The following XKR4 variants were observed in gnomAD, a reference collection of about 807,000 sequenced individuals.
XKR4 encodes the protein XK-related protein 4.
XKR4 carries 12 observed loss-of-function variants against 53.9 expected under a neutral mutation model. The ratio of observed to expected loss-of-function variants is 0.22; its 90% CI spans 0.14 to 0.36. The LOEUF is 0.36. Ranked by LOEUF, XKR4 falls within the 10% of genes least tolerant of loss-of-function variation. The pLI is 1.00. For synonymous variants in XKR4, 354 were observed against 362.4 expected, an observed-to-expected ratio of 0.98 and a Z score of 0.26; for missense variants, 799 against 859.5, an observed-to-expected ratio of 0.93 and a Z score of 0.88.
intron 2 of XKR4, among the ~76,000 whole-genome samples, chr8:55,384,492 A>T (rs1804281276): frequency 6.6e-6 from 1 of 152,224 alleles, no homozygotes; most frequent in Non-Finnish European, 1.5e-5. Flanking sequence ...AACTGCTGAA[A>T]TATTTTTACC....
intron 2 of XKR4, among the ~76,000 whole-genome samples, chr8:55,419,316 C>A (rs1402279354): frequency 6.6e-6 from 1 of 152,102 alleles, no homozygotes; most frequent in African/African-American, 2.4e-5. Context: ...ACCCTGGAGG[C>A]AGAGATTGCA....
intron 2 of XKR4, among the ~76,000 whole-genome samples, chr8:55,427,994 TTTAA>T (rs1208242173): frequency 1.3e-5 from 2 of 152,206 alleles, no homozygotes; most frequent in Non-Finnish European, 2.9e-5. Context: ...GTAGTTAAAA[TTTAA>T]TTAAATTGTA....
In XKR4 at chr8:55,528,491, C is replaced by A. The variant is rs186590341; in HGVS notation, c.*4264C>A. On this transcript the variant is annotated 3_prime_UTR_variant, in exon 3 of 3. Transcript: ENST00000327381. ...GAGATTTTTTCTAATGAACCATTTT[C>A]TAGACTAAATATATGCTCCCTTGCA... 3.3e-3 allele frequency: 503 copies of A among 152,322 alleles called. 4 individuals are homozygous for A. The highest frequency in any genetic ancestry group is 0.011 in the African/African-American group (472 of 41,570). 9.4% of individuals were successfully genotyped at this position (152,322 alleles called of 1,614,324 possible). A position where few individuals can be genotyped will look rare whatever the true frequency, so the allele number is the denominator to read the frequency against.
chr8:55,179,200 A>G (rs1028526956), intron 1 of XKR4, among the ~76,000 whole-genome samples: 2 of 152,254 alleles, frequency 1.3e-5, no homozygotes, highest in Non-Finnish European at 2.9e-5. Flanking sequence ...TATTTGGAAT[A>G]TCTACCTTAG....
chr8:55,242,732 T>C (rs1345545510), intron 1 of XKR4, among the ~76,000 whole-genome samples: 3 of 151,882 alleles, frequency 2.0e-5, no homozygotes. Context: ...TAGAAGGCAG[T>C]TGGCAGGGAG....
At chr8:55,303,574 A>C (rs1361792299) in intron 1 of XKR4, among the ~76,000 whole-genome samples, 1 of 152,216 alleles carries the variant, frequency 6.6e-6, no homozygotes, top group Non-Finnish European at 1.5e-5. Flanking sequence ...AAGGAATGGT[A>C]CCAGCTCCTC....
chr8:55,362,799 A>G (rs1367152749), intron 2 of XKR4, among the ~76,000 whole-genome samples: 4 of 152,212 alleles, frequency 2.6e-5, no homozygotes, highest in African/African-American at 9.7e-5. Flanking sequence ...TCATGTACAG[A>G]CAACTGTCCA....
intron 1 of XKR4, among the ~76,000 whole-genome samples, chr8:55,341,645 A>G (rs1020702495): frequency 1.3e-5 from 2 of 152,234 alleles, no homozygotes; most frequent in Non-Finnish European, 2.9e-5. Flanking sequence ...GTAGGTTTAG[A>G]CATCATGGAA....
intron 1 of XKR4, among the ~76,000 whole-genome samples, chr8:55,149,851 A>G (rs1369146459): frequency 6.6e-6 from 1 of 152,216 alleles, no homozygotes; most frequent in Admixed American, 6.5e-5. Flanking sequence ...AAACTTGCCT[A>G]TCAAAAATCA....
intron 2 of XKR4, among the ~76,000 whole-genome samples, chr8:55,474,039 G>A (rs1805936698): frequency 6.6e-6 from 1 of 152,000 alleles, no homozygotes. Flanking sequence ...CCAGTAGCTA[G>A]GACTATAGGA....
intron 2 of XKR4, chr8:55,454,853 C>T: frequency 1.3e-6 from 1 of 764,208 alleles, no homozygotes; most frequent in South Asian, 1.4e-5. Context: ...CCTCTTCCTC[C>T]CACTCAGTGG....
intron 1 of XKR4, among the ~76,000 whole-genome samples, chr8:55,355,046 G>A (rs551944908): frequency 6.6e-4 from 100 of 151,944 alleles, no homozygotes; most frequent in Admixed American, 2.5e-3. Flanking sequence ...TGGGATTACA[G>A]GCATGTGCCA....
chr8:55,368,352 C>T (rs1372773657), intron 2 of XKR4, among the ~76,000 whole-genome samples: 1 of 152,196 alleles, frequency 6.6e-6, no homozygotes, highest in Non-Finnish European at 1.5e-5. Context: ...AGGCATGTGA[C>T]AAGGCCCCTG....
At chr8:55,226,013 C>T (rs1817947320) in intron 1 of XKR4, among the ~76,000 whole-genome samples, 1 of 152,152 alleles carries the variant, frequency 6.6e-6, no homozygotes, top group Admixed American at 6.5e-5. Flanking sequence ...CCGTCCCTGA[C>T]CAGGGTGCCC....
chr8:55,228,842 T>TACAC (rs71256522), intron 1 of XKR4, among the ~76,000 whole-genome samples: 6,988 of 150,040 alleles, frequency 0.047, 521 homozygotes, highest in African/African-American at 0.16. Flanking sequence ...TGTGTGTATG[T>TACAC]ACACACACAC....
chr8:55,393,268 T>A (rs2975948), intron 2 of XKR4, among the ~76,000 whole-genome samples: 14,410 of 151,976 alleles, frequency 0.095, 1,407 homozygotes, highest in African/African-American at 0.25. Context: ...AACAAAAATA[T>A]AATTGAGTTA....
intron 1 of XKR4, among the ~76,000 whole-genome samples, chr8:55,157,427 A>C (rs1402661961): frequency 6.6e-6 from 1 of 151,676 alleles, no homozygotes; most frequent in East Asian, 2.0e-4. Flanking sequence ...CATTATTTCA[A>C]CTCTTAATGT....
chr8:55,454,053 G>A (rs1805509434), intron 2 of XKR4: 1 of 849,368 alleles, frequency 1.2e-6, no homozygotes, highest in Non-Finnish European at 2.0e-6. Context: ...TGCAGCAGCT[G>A]ATGGAAGAGC....
chr8:55,213,889 G>A lies in XKR4; in HGVS notation c.806+110595G>A, dbSNP rs115142110. On this transcript the variant is annotated intron_variant, in intron 1 of 2. Transcript: ENST00000327381. ...TTTTTTTTTTTTTTTTTTTTGAGAC[G>A]AGTCTCCTGTTGCCCAGGCTGGAGT... is the stretch of plus-strand genomic sequence containing the variant. Among the ~76,000 whole-genome samples the A allele has an allele frequency of 9.3e-3, 872 of 94,208 alleles. 18 individuals carry two copies. The highest frequency in any genetic ancestry group is 0.032 in the African/African-American group (757 of 23,514). The allele number at this position is 94,208 out of a possible 152,430, so 61.8% of individuals were successfully genotyped here.
Sources: allele counts gnomAD v4.1 joint callset (sites outside exome capture counted in the v4.1 genomes callset), GRCh38; gene constraint gnomAD v4.1.1; transcripts MANE v1.5; gene names NCBI Gene and HGNC (gene_info 2026-07-23, HGNC 2026-07-21).